The following ZNF500 variants were observed in gnomAD, a reference collection of about 807,000 sequenced individuals.
ZNF500 encodes zinc finger protein with KRAB and SCAN domains 18.
A neutral mutation model predicts 30.1 loss-of-function variants in ZNF500; 31 were observed. The ratio of observed to expected loss-of-function variants is 1.03; its 90% confidence interval spans 0.77 to 1.39. ZNF500 has a LOEUF of 1.39. Among genes scored for constraint, ZNF500 ranks in the 40% most tolerant of loss-of-function variants. The pLI, the probability that ZNF500 is intolerant of heterozygous loss-of-function variation, is 0.00. For synonymous variants in ZNF500, 392 were observed against 282.0 expected (o/e 1.39, Z -3.91); for missense variants, 817 against 657.8 (o/e 1.24, Z -2.65).
downstream of ZNF500, chr16:4,746,260 G>A: frequency 6.2e-6 from 7 of 1,132,734 alleles, no homozygotes; most frequent in Non-Finnish European, 8.8e-6. Context: ...CCCGTCTGTA[G>A]AGAGTGGGCA....
downstream of ZNF500, chr16:4,746,539 C>G: frequency 6.2e-7 from 1 of 1,602,350 alleles, no homozygotes; most frequent in South Asian, 1.1e-5. Flanking sequence ...CTACCCCATA[C>G]CAGCCTCTAC....
intron 5 of ZNF500, among the ~76,000 whole-genome samples, chr16:4,759,111 G>A (rs2082170226): frequency 6.6e-6 from 1 of 151,610 alleles, no homozygotes. Flanking sequence ...TTGGGAGGCT[G>A]AGGCAGGAGA....
In ZNF500 at chr16:4,766,035, A is replaced by T; in HGVS notation, c.-57T>A. 6.7e-7 allele frequency: 1 copy of T among 1,500,500 alleles called. No individual in the cohort carries two copies. Among genetic ancestry groups the T allele is most frequent in the Non-Finnish European group, 8.8e-7 (1 of 1,131,452 alleles). 92.9% of individuals were successfully genotyped at this position (1,500,500 alleles called of 1,614,324 possible). A position where few individuals can be genotyped will look rare whatever the true frequency, so the allele number is the denominator to read the frequency against. On this transcript the variant is annotated 5_prime_UTR_variant, in exon 2 of 6. Transcript: ENST00000219478. ...CTTAGAGTTGAACCTGTCTCTCTCT[A>T]TACCTCTGGCCAGACACAGGAAGAG...
downstream of ZNF500, chr16:4,746,712 G>C (rs556158177): frequency 1.2e-6 from 1 of 824,120 alleles, no homozygotes; most frequent in African/African-American, 1.7e-5. Context: ...ACACCTCCTC[G>C]GGCTGGGCTC....
chr16:4,746,608 A>G, downstream of ZNF500: 3 of 1,419,918 alleles, frequency 2.1e-6, no homozygotes, highest in Non-Finnish European at 2.9e-6. Flanking sequence ...GGGGAGGAAC[A>G]GGGACTTCAA....
Position 4,754,451 on chromosome 16 carries a change from G to A in ZNF500, c.761-1393C>T, listed in dbSNP as rs531161667. 2.0e-5 allele frequency among the ~76,000 whole-genome samples: 3 copies of A among 152,188 alleles called. No homozygotes were observed. In the East Asian group the frequency reaches 5.8e-4, roughly 30 times the overall value. ...GAGGAAGGCGGATCACTTGAGGTCAGGAGTTTGAGACCAGCCTGGCCAACA... is the reference window on the plus strand; with the variant it reads ...GAGGAAGGCGGATCACTTGAGGTCAAGAGTTTGAGACCAGCCTGGCCAACA... On this transcript the variant is annotated intron_variant, in intron 5 of 5. Transcript: ENST00000219478.
In ZNF500 at chr16:4,765,850, G is replaced by A. The variant is rs1245718629; in HGVS notation, c.129C>T (p.Asp43=). ...LEEEPSVETE[D]PSPETFRQLF... ...GCTGGCGGAAAGTCTCAGGGCTGGG[G>A]TCCTCCGTCTCCACGGAGGGCTCCT... Residue 43 remains aspartate (D), a synonymous_variant, in exon 2 of 6, where the codon GAC becomes GAT. Transcript: ENST00000219478. 28 of 1,613,634 alleles carry A rather than the reference G, an allele frequency of 1.7e-5. No homozygotes were observed. The highest frequency in any genetic ancestry group is 2.4e-5 in the Non-Finnish European group (28 of 1,180,020).
rs543850907 is a variant in ZNF500, at chr16:4,763,811, G to C, written c.415-1055C>G. 4.1e-6 allele frequency: 4 copies of C among 985,452 alleles called. No individual in the cohort carries two copies. The African/African-American group carries it at 5.2e-5, about 13-fold the overall frequency. 61.0% of individuals were successfully genotyped at this position (985,452 alleles called of 1,614,324 possible). A position where few individuals can be genotyped will look rare whatever the true frequency, so the allele number is the denominator to read the frequency against. On this transcript the variant is annotated intron_variant, in intron 2 of 5. Coordinates refer to ENST00000219478, the MANE Select transcript of ZNF500 (RefSeq NM_021646.4). Reference sequence around the variant, plus strand: ...GATTTCTTGGCCACCCCGATGGCAGGATTTTCTGACTGCGGTCAGCTCACG... The same window carrying C: ...GATTTCTTGGCCACCCCGATGGCAGCATTTTCTGACTGCGGTCAGCTCACG...
intron 2 of ZNF500, among the ~76,000 whole-genome samples, chr16:4,764,806 A>G (rs1022970243): frequency 2.8e-5 from 4 of 143,296 alleles, no homozygotes; most frequent in African/African-American, 1.0e-4. Context: ...AAAAAAAAAA[A>G]GTAAAATAAA....
At chr16:4,764,534 C>A (rs1022708171) in intron 2 of ZNF500, among the ~76,000 whole-genome samples, 1 of 151,882 alleles carries the variant, frequency 6.6e-6, no homozygotes, top group African/African-American at 2.4e-5. Flanking sequence ...GTAATCCCAG[C>A]ACTTTGGGAG....
At chr16:4,744,431 G>A (rs2081987233), downstream of ZNF500, among the ~76,000 whole-genome samples, 1 of 152,076 alleles carries the variant, frequency 6.6e-6, no homozygotes. Context: ...AGAATACACT[G>A]CGGCTCGATG....
In ZNF500 at chr16:4,767,160, C is replaced by G. The variant is rs902090048; in HGVS notation, c.-242G>C. 1 of 152,404 alleles carries G rather than the reference C, an allele frequency of 6.6e-6. No individual in the cohort carries two copies. The highest frequency in any genetic ancestry group is 1.9e-4 in the East Asian group (1 of 5,182). The allele number at this position is 152,404 out of a possible 1,614,324, so 9.4% of individuals were successfully genotyped here. A position where few individuals can be genotyped will look rare whatever the true frequency, so the allele number is the denominator to read the frequency against. ...CCTAAACCAGGGGTGCAAACCAGGC[C>G]GTGCGGGTGGGCCCGCAGGCGGCAT... On this transcript the variant is annotated 5_prime_UTR_variant, in exon 1 of 6. Transcript: ENST00000219478.
chr16:4,757,920 A>T (rs1339372849), intron 5 of ZNF500, among the ~76,000 whole-genome samples: 4 of 101,212 alleles, frequency 4.0e-5, no homozygotes, highest in African/African-American at 1.5e-4. Flanking sequence ...TTTTTTTTTG[A>T]CACAGAGTTT....
rs1164966262 is a variant in ZNF500 at position 4,767,122 on chromosome 16, C to T, written c.-204G>A. The stretch of plus-strand genomic sequence containing the variant: ...GCTTGGCAGCCAGGGACGCCAGAGC[C>T]GGGGCCGAAGACCCTAAACCAGGGG... On this transcript the variant is annotated 5_prime_UTR_variant, in exon 1 of 6. Coordinates refer to ENST00000219478, the MANE Select transcript of ZNF500 (RefSeq NM_021646.4). 1.3e-5 allele frequency: 2 copies of T among 152,342 alleles called. No homozygotes were observed. Among genetic ancestry groups the T allele is most frequent in the Non-Finnish European group, 2.9e-5 (2 of 68,114 alleles). The allele number at this position is 152,342 out of a possible 1,614,324, so 9.4% of individuals were successfully genotyped here.
chr16:4,751,796 T>C lies in ZNF500; in HGVS notation c.*580A>G. On this transcript the variant is annotated 3_prime_UTR_variant, in exon 6 of 6. Coordinates refer to ENST00000219478, the MANE Select transcript of ZNF500 (RefSeq NM_021646.4). ...GGCGGCACACACCTGTAACCCCAGC[T>C]ACTCAGGAGGATGAGGCAGGAGGAA... The C allele has an allele frequency of 5.7e-6, 4 of 703,956 alleles. No individual in the cohort carries two copies. The highest frequency in any genetic ancestry group is 1.7e-5 in the South Asian group (1 of 57,382). 43.6% of individuals were successfully genotyped at this position (703,956 alleles called of 1,614,324 possible).
intron 5 of ZNF500, among the ~76,000 whole-genome samples, chr16:4,759,255 G>C (rs2082172094): frequency 6.6e-6 from 1 of 151,712 alleles, no homozygotes; most frequent in Non-Finnish European, 1.5e-5. Context: ...CCATTGGTAT[G>C]GATGTGGAGA....
chr16:4,764,149 G>A, intron 2 of ZNF500: 1 of 953,060 alleles, frequency 1.0e-6, no homozygotes, highest in Non-Finnish European at 1.2e-6. Context: ...TCCTGTCTGT[G>A]CCATCCAGTA....
In ZNF500 at chr16:4,765,970, A is replaced by C; in HGVS notation, c.9T>G (p.Thr3=). The C allele has an allele frequency of 6.4e-7, 1 of 1,561,728 alleles. No individual in the cohort carries two copies. The highest frequency in any genetic ancestry group is 8.6e-7 in the Non-Finnish European group (1 of 1,157,412). ...TTGGCAGGGGCTGGAGGCCAGGGAC[A>C]GTGGCCATTGCTTCCGGTGGGCCTT... The part of the protein sequence containing the change: MA[T]VPGLQPLPTL... The change falls in exon 2 of 6, where the codon ACT becomes ACG. Residue 3 remains threonine, a synonymous_variant. Transcript: ENST00000219478.
intron 5 of ZNF500, 67 bp downstream of exon 5, chr16:4,760,425 G>A (rs576455898): frequency 4.6e-5 from 68 of 1,482,040 alleles, no homozygotes; most frequent in African/African-American, 4.1e-4. Flanking sequence ...ACCAAGCCCC[G>A]GAGCTGGTGC....
Sources: allele counts gnomAD v4.1 joint callset (sites outside exome capture counted in the v4.1 genomes callset), GRCh38; gene constraint gnomAD v4.1.1; transcripts MANE v1.5; gene names NCBI Gene and HGNC (gene_info 2026-07-23, HGNC 2026-07-21).